SLC13A2: variants seen among roughly 807,000 people sequenced by gnomAD.
SLC13A2 encodes the protein solute carrier family 13 member 2, also known as Na(+)-coupled citrate transporter.
Under a neutral mutation model 58.5 loss-of-function variants are expected in SLC13A2, and 40 were observed. The ratio of observed to expected loss-of-function variants is 0.68; its 90% confidence interval spans 0.53 to 0.89. SLC13A2 has a LOEUF of 0.89. Among genes scored for constraint, SLC13A2 ranks in the 40% least tolerant of loss-of-function variants. The pLI is 0.00. For missense variants in SLC13A2, 694 were observed against 772.6 expected, an observed-to-expected ratio of 0.90 and a Z score of 1.21; for synonymous variants, 341 against 331.6, an observed-to-expected ratio of 1.03 and a Z score of -0.31.
At chr17:28,478,772 C>T (rs2068734042) in intron 1 of SLC13A2, among the ~76,000 whole-genome samples, 1 of 152,204 alleles carries the variant, frequency 6.6e-6, no homozygotes, top group East Asian at 1.9e-4. Flanking sequence ...CAAATGTATT[C>T]ATCCAACCAT....
At position 28,490,445 on chromosome 17, in the gene SLC13A2, A is replaced by G. The variant is rs2068982855; in HGVS notation, c.232-9A>G. 1.2e-6 allele frequency: 2 copies of G among 1,613,976 alleles called. No individual in the cohort carries two copies. Among genetic ancestry groups the G allele is most frequent in the Admixed American group, 3.3e-5 (2 of 59,986 alleles). On this transcript the variant is annotated splice_polypyrimidine_tract_variant and intron_variant, in intron 2 of 11. Transcript: ENST00000314669. ...CTTCCCGCCGCTCAGCCATGTCTCCACCTGCCAGGTTGCCGTCGAGTATCT... is the reference window on the plus strand; with the variant it reads ...CTTCCCGCCGCTCAGCCATGTCTCCGCCTGCCAGGTTGCCGTCGAGTATCT...
rs933858920 is a variant in SLC13A2 at position 28,489,452 on chromosome 17, A to C, written c.231+110A>C. ...GCCTCACCATAGGCAGGGCACATGG[A>C]TTAGGGGTTCCTGACTCTGCATGAG... is the stretch of plus-strand genomic sequence containing the variant. On this transcript the variant is annotated intron_variant, in intron 2 of 11. Transcript: ENST00000314669. 8 of 1,289,648 alleles carry C rather than the reference A, an allele frequency of 6.2e-6. No individual in the cohort carries two copies. The African/African-American group carries it at 7.5e-5, about 12-fold the overall frequency. 79.9% of individuals were successfully genotyped at this position (1,289,648 alleles called of 1,614,324 possible).
chr17:28,487,905 C>T (rs1221256070), intron 1 of SLC13A2, among the ~76,000 whole-genome samples: 1 of 152,136 alleles, frequency 6.6e-6, no homozygotes, highest in African/African-American at 2.4e-5. Flanking sequence ...TACTGGGGCA[C>T]CATTCACACA....
intron 1 of SLC13A2, among the ~76,000 whole-genome samples, chr17:28,481,385 G>A (rs376243506): frequency 1.3e-5 from 2 of 152,204 alleles, no homozygotes; most frequent in African/African-American, 4.8e-5. Flanking sequence ...CAAGCAAAGG[G>A]TAGGAAGAGT....
intron 1 of SLC13A2, among the ~76,000 whole-genome samples, chr17:28,477,501 A>G (rs982227125): frequency 1.3e-5 from 2 of 151,408 alleles, no homozygotes; most frequent in Admixed American, 6.6e-5. Context: ...GCCACCCCCA[A>G]CTTTTTGAAT....
intron 6 of SLC13A2, among the ~76,000 whole-genome samples, chr17:28,492,642 A>G (rs2069050551): frequency 6.6e-6 from 1 of 152,234 alleles, no homozygotes; most frequent in Admixed American, 6.5e-5. Context: ...CACCTAATGA[A>G]GCCAAGAGTA....
intron 1 of SLC13A2, among the ~76,000 whole-genome samples, chr17:28,478,189 C>T (rs1217056076): frequency 1.3e-5 from 2 of 152,188 alleles, no homozygotes; most frequent in Non-Finnish European, 2.9e-5. Context: ...AAAGTTTGAA[C>T]TGGAACCTGG....
intron 7 of SLC13A2, 82 bp from the exon 8 acceptor site, chr17:28,493,935 C>G: frequency 8.1e-6 from 12 of 1,490,298 alleles, no homozygotes; most frequent in Non-Finnish European, 1.1e-5. Flanking sequence ...GGGAGAGGCT[C>G]ATCTCCACCA....
At chr17:28,482,127 C>A (rs2068796087) in intron 1 of SLC13A2, among the ~76,000 whole-genome samples, 1 of 152,124 alleles carries the variant, frequency 6.6e-6, no homozygotes, top group Non-Finnish European at 1.5e-5. Context: ...TCCGGTGATT[C>A]CCCCACTTCA....
intron 1 of SLC13A2, among the ~76,000 whole-genome samples, chr17:28,476,334 C>T (rs779655471): frequency 3.9e-5 from 6 of 152,126 alleles, no homozygotes; most frequent in South Asian, 2.1e-4. Flanking sequence ...TTTGTGAGGA[C>T]GAGGCGGGAG....
rs2151459486 is a variant in SLC13A2 at position 28,491,483 on chromosome 17, G to A, written c.621G>A (p.Arg207=). Reference sequence around the variant, plus strand: ...TCACGTCTGCCTCTTCGGAGGGGAGGGCACATCTCAGCCAGAAGCATCTCC... The same window carrying A: ...TCACGTCTGCCTCTTCGGAGGGGAGAGCACATCTCAGCCAGAAGCATCTCC... The part of the protein sequence containing the change: ...LPVTSASSEG[R]AHLSQKHLHL... Residue 207 remains arginine, a synonymous_variant, in exon 5 of 12, where the codon AGG becomes AGA. Transcript: ENST00000314669. The A allele has an allele frequency of 6.2e-7, 1 of 1,613,744 alleles. No homozygotes were observed. Among genetic ancestry groups the A allele is most frequent in the Middle Eastern group, 1.6e-4 (1 of 6,062 alleles).
At chr17:28,482,073 A>G (rs1255958600) in intron 1 of SLC13A2, among the ~76,000 whole-genome samples, 3 of 151,974 alleles carry the variant, frequency 2.0e-5, no homozygotes, top group African/African-American at 7.3e-5. Flanking sequence ...CTGGAGTGCA[A>G]TGGTGCAATC....
At position 28,490,572 on chromosome 17, in the gene SLC13A2, T is replaced by C. The variant is rs1555603098; in HGVS notation, c.350T>C (p.Val117Ala). The C allele has an allele frequency of 1.2e-6, 2 of 1,604,718 alleles. No homozygotes were observed. Among genetic ancestry groups the C allele is most frequent in the Non-Finnish European group, 8.5e-7 (1 of 1,173,018 alleles). The change falls in exon 3 of 12, where the codon GTT becomes GCT. Residue 117 changes from valine (V) to alanine (A), a missense_variant. Val to Ala is a moderately conservative substitution (Grantham distance 64, BLOSUM62 0). Transcript: ENST00000314669. ...KRIALRVLLI[V>A]GVRPAPLILG... Reference sequence around the variant, plus strand: ...ATCGCCCTCCGTGTCCTCCTCATCGTTGGGGTGCGGCCTGCCCCGTGAGTT... The same window carrying C: ...ATCGCCCTCCGTGTCCTCCTCATCGCTGGGGTGCGGCCTGCCCCGTGAGTT...
At chr17:28,486,245 C>T (rs999643184) in intron 1 of SLC13A2, among the ~76,000 whole-genome samples, 7 of 152,168 alleles carry the variant, frequency 4.6e-5, no homozygotes, top group African/African-American at 1.7e-4. Flanking sequence ...ACAACTGCAA[C>T]AACTTATCTG....
intron 1 of SLC13A2, among the ~76,000 whole-genome samples, chr17:28,487,901 G>C (rs2068915004): frequency 6.6e-6 from 1 of 152,074 alleles, no homozygotes; most frequent in South Asian, 2.1e-4. Context: ...CAATTACTGG[G>C]GCACCATTCA....
chr17:28,475,950 T>C (rs2068663226), intron 1 of SLC13A2, among the ~76,000 whole-genome samples: 2 of 152,200 alleles, frequency 1.3e-5, no homozygotes, highest in South Asian at 4.1e-4. Flanking sequence ...AACTCTAAAC[T>C]GGTATTATCC....
At chr17:28,491,040 C>A in intron 4 of SLC13A2, 134 bp downstream of exon 4, 1 of 926,514 alleles carries the variant, frequency 1.1e-6, no homozygotes, top group Non-Finnish European at 1.6e-6. Flanking sequence ...GGACAGTGAC[C>A]AATTTGTTTT....
At chr17:28,477,817 GGCGCCCA>G (rs375101590) in intron 1 of SLC13A2, among the ~76,000 whole-genome samples, 57,121 of 151,892 alleles carry the variant, frequency 0.38, 12,960 homozygotes, top group Non-Finnish European at 0.52. Flanking sequence ...TTGGGAGGCG[GGCGCCCA>G]AGGTGGGCAG....
chr17:28,490,445 A>C lies in SLC13A2; in HGVS notation c.232-9A>C. On this transcript the variant is annotated splice_polypyrimidine_tract_variant and intron_variant, in intron 2 of 11. Transcript: ENST00000314669. ...CTTCCCGCCGCTCAGCCATGTCTCCACCTGCCAGGTTGCCGTCGAGTATCT... is the reference window on the plus strand; with the variant it reads ...CTTCCCGCCGCTCAGCCATGTCTCCCCCTGCCAGGTTGCCGTCGAGTATCT... 1.9e-6 allele frequency: 3 copies of C among 1,613,976 alleles called. No individual in the cohort carries two copies. The highest frequency in any genetic ancestry group is 2.5e-6 in the Non-Finnish European group (3 of 1,179,990).
Sources: gnomAD v4.1 joint callset for allele counts (sites outside exome capture counted in the v4.1 genomes callset) on GRCh38, gnomAD v4.1.1 for gene constraint, MANE v1.5 for transcripts, NCBI Gene and HGNC (gene_info 2026-07-23, HGNC 2026-07-21) for gene names.